The following SLFN12L variants were observed in gnomAD, a reference collection of about 807,000 sequenced individuals.
The protein encoded by SLFN12L is schlafen family member 12 like, also known as schlafen family member 12-like.
SLFN12L carries 34 observed loss-of-function variants against 34.8 expected under a neutral mutation model. That is an observed-to-expected ratio of 0.98 (90% CI 0.74 to 1.30). SLFN12L has a LOEUF of 1.30. Among genes scored for constraint, SLFN12L ranks in the 50% most tolerant of loss-of-function variants. SLFN12L has a pLI of 0.00. For synonymous variants in SLFN12L, 259 were observed against 247.5 expected (o/e 1.05, Z -0.44); for missense variants, 703 against 696.2 (o/e 1.01, Z -0.11).
At chr17:35,499,827 G>A (rs1356739877) in intron 2 of SLFN12L, 1 of 184,052 alleles carries the variant, frequency 5.4e-6, no homozygotes, top group African/African-American at 2.4e-5. Flanking sequence ...TAACCATTTA[G>A]TCATTGAAAA....
Position 35,465,654 on chromosome 17 carries a change from G to C in SLFN12L, c.*9269C>G, listed in dbSNP as rs866917281. Reference sequence around the variant, plus strand: ...TGCTGCTTGTCCGTTTAACAGCCCAGTGTTGCCTGTTCTTAAACCTGGAAA... The same window carrying C: ...TGCTGCTTGTCCGTTTAACAGCCCACTGTTGCCTGTTCTTAAACCTGGAAA... On this transcript the variant is annotated 3_prime_UTR_variant, in exon 5 of 5. Coordinates refer to ENST00000628453, the MANE Select transcript of SLFN12L (RefSeq NM_001363830.2). Among the ~76,000 whole-genome samples, 2 of 151,224 alleles carry C rather than the reference G, an allele frequency of 1.3e-5. No individual in the cohort carries two copies. Among genetic ancestry groups the C allele is most frequent in the Admixed American group, 6.6e-5 (1 of 15,122 alleles).
In SLFN12L at chr17:35,524,505, G is replaced by A. The variant is rs375722654; in HGVS notation, c.-605-1536C>T. Among the ~76,000 whole-genome samples the A allele has an allele frequency of 9.6e-4, 147 of 152,352 alleles. 1 individual carries two copies. In the South Asian group the frequency reaches 0.03, roughly 31 times the overall value. On this transcript the variant is annotated intron_variant, in intron 1 of 4. Coordinates refer to ENST00000628453, the MANE Select transcript of SLFN12L (RefSeq NM_001363830.2). ...CTGGCATCTGGTGGGTGCCCCTCTG[G>A]CACGAAGCTTCCAAAGGAAAGAACA...
intron 2 of SLFN12L, among the ~76,000 whole-genome samples, chr17:35,492,189 C>A (rs1262776432): frequency 6.6e-6 from 1 of 152,182 alleles, no homozygotes; most frequent in Non-Finnish European, 1.5e-5. Flanking sequence ...AGCATCTAAA[C>A]CTGTGTGATC....
Position 35,518,584 on chromosome 17 carries a change from C to A in SLFN12L, c.86+3695G>T, listed in dbSNP as rs1915906850. 4.9e-5 allele frequency among the ~76,000 whole-genome samples: 7 copies of A among 143,630 alleles called. No homozygotes were observed. In the South Asian group the frequency reaches 1.3e-3, roughly 27 times the overall value. 94.2% of individuals were successfully genotyped at this position (143,630 alleles called of 152,430 possible). The stretch of plus-strand genomic sequence containing the variant: ...AAAAAAAAGACATTTATGCACCGAA[C>A]AAACATGAAAAAAAGCTTACCATCA... On this transcript the variant is annotated intron_variant, in intron 2 of 4. Transcript: ENST00000628453.
chr17:35,481,479 G>A (rs1914335267), intron 2 of SLFN12L, among the ~76,000 whole-genome samples: 1 of 152,242 alleles, frequency 6.6e-6, no homozygotes, highest in Non-Finnish European at 1.5e-5. Context: ...TCTTTGAAAT[G>A]CGTAGAAGAA....
At position 35,530,502 on chromosome 17, in the gene SLFN12L, AAG is replaced by A. The variant is rs1225835544; in HGVS notation, c.-606+7069_-606+7070del. Among the ~76,000 whole-genome samples, 3 of 34,814 alleles carry A rather than the reference AAG, an allele frequency of 8.6e-5. 1 individual carries two copies. Among genetic ancestry groups the A allele is most frequent in the East Asian group, 1.4e-3 (2 of 1,412 alleles). The allele number at this position is 34,814 out of a possible 152,430, so 22.8% of individuals were successfully genotyped here. The stretch of plus-strand genomic sequence containing the variant: ...AAAGAAAGAAAGAAAGAAAGAAAGA[AAG>A]AAAGAAAGAAAAGAAAAGAAAAGAA... On this transcript the variant is annotated intron_variant, in intron 1 of 4. Transcript: ENST00000628453.
At chr17:35,506,806 G>A (rs1299335978) in intron 2 of SLFN12L, among the ~76,000 whole-genome samples, 2 of 152,046 alleles carry the variant, frequency 1.3e-5, no homozygotes, top group African/African-American at 4.8e-5. Context: ...TAAATTCCCA[G>A]CTCAAAAGAC....
chr17:35,482,346 G>A (rs978664385), intron 2 of SLFN12L, among the ~76,000 whole-genome samples: 1 of 152,228 alleles, frequency 6.6e-6, no homozygotes, highest in Non-Finnish European at 1.5e-5. Context: ...CAGAAAGCTA[G>A]GGATGGCAGC....
intron 2 of SLFN12L, among the ~76,000 whole-genome samples, chr17:35,506,053 G>C (rs1192652166): frequency 6.6e-6 from 1 of 152,156 alleles, no homozygotes; most frequent in African/African-American, 2.4e-5. Context: ...CCCAGGAAAT[G>C]ACCAACCTGA....
At chr17:35,509,640 G>A (rs534436288) in intron 2 of SLFN12L, among the ~76,000 whole-genome samples, 16 of 151,822 alleles carry the variant, frequency 1.1e-4, no homozygotes, top group African/African-American at 2.7e-4. Context: ...CTTGTAGAAC[G>A]CATAATTAAA....
intron 1 of SLFN12L, among the ~76,000 whole-genome samples, chr17:35,530,444 GAAAGAAAGAAAGAAAGAAAGAAA>G (rs1567694219): frequency 6.2e-5 from 1 of 16,246 alleles, no homozygotes; most frequent in African/African-American, 1.7e-4. Context: ...GGGAAGGGAA[GAAAGAAAGAAAGAAAGAAAGAAA>G]GAAAGAAAGA....
rs1306041099 is a variant in SLFN12L, at chr17:35,522,318, A to G, written c.47T>C (p.Leu16Pro). Residue 16 changes from leucine (L) to proline (P), a missense_variant, in exon 2 of 5, where the codon CTC becomes CCC. Physicochemically the swap from Leu to Pro is moderately conservative, Grantham distance 98. Coordinates refer to ENST00000628453, the MANE Select transcript of SLFN12L (RefSeq NM_001363830.2). ...NVFHCEAHRI[L>P]YICESQFLRN... ...CAGAAACTGACTTTCACAAATGTAG[A>G]GAATTCTGTGTGCCTCACAGTGAAA... 1 of 1,614,106 alleles carries G rather than the reference A, an allele frequency of 6.2e-7. No individual in the cohort carries two copies. Among genetic ancestry groups the G allele is most frequent in the African/African-American group, 1.3e-5 (1 of 74,934 alleles).
intron 2 of SLFN12L, chr17:35,498,997 T>C (rs1915197176): frequency 5.6e-6 from 4 of 707,988 alleles, no homozygotes; most frequent in South Asian, 1.3e-5. Flanking sequence ...ACCGTCTGCT[T>C]CTATAACACC....
At position 35,466,101 on chromosome 17, in the gene SLFN12L, TC is replaced by T. The variant is rs35136702; in HGVS notation, c.*8821del. On this transcript the variant is annotated 3_prime_UTR_variant, in exon 5 of 5. Transcript: ENST00000628453. ...CATAGCCTCCCCCATTAGCAACATC[TC>T]CCATTAGTGTGGTACATTTGTTACA... Among the ~76,000 whole-genome samples the T allele has an allele frequency of 1.3e-5, 2 of 152,234 alleles. No homozygotes were observed. Among genetic ancestry groups the T allele is most frequent in the African/African-American group, 4.8e-5 (2 of 41,528 alleles).
At chr17:35,513,026 G>T (rs1377829968) in intron 2 of SLFN12L, among the ~76,000 whole-genome samples, 5 of 151,902 alleles carry the variant, frequency 3.3e-5, no homozygotes, top group Non-Finnish European at 7.4e-5. Flanking sequence ...CTATATCTGG[G>T]CTAGTGCAAA....
At chr17:35,535,190 CTTTT>C (rs35271725) in intron 1 of SLFN12L, among the ~76,000 whole-genome samples, 1 of 131,272 alleles carries the variant, frequency 7.6e-6, no homozygotes, top group Non-Finnish European at 1.6e-5. Flanking sequence ...TCTCTTTCTC[CTTTT>C]TTTTTTTTTT....
At position 35,489,566 on chromosome 17, in the gene SLFN12L, C is replaced by CAT. The variant is rs1049431569; in HGVS notation, c.87-9373_87-9372dup. Among the ~76,000 whole-genome samples the CAT allele has an allele frequency of 4.7e-3, 707 of 151,820 alleles. 6 individuals are homozygous for CAT. Among genetic ancestry groups the CAT allele is most frequent in the African/African-American group, 0.016 (675 of 41,368 alleles). ...GAAACCCTGTCCGTATATATATGTA[C>CAT]ATATATATATGTAAAATGAATGCAG... On this transcript the variant is annotated intron_variant, in intron 2 of 4. Coordinates refer to ENST00000628453, the MANE Select transcript of SLFN12L (RefSeq NM_001363830.2).
intron 2 of SLFN12L, chr17:35,509,948 C>T (rs1383004266): frequency 6.6e-6 from 1 of 152,270 alleles, no homozygotes; most frequent in African/African-American, 2.4e-5. Context: ...CCTCCTGTCT[C>T]AGCCTCACAA....
chr17:35,484,697 G>C (rs1349462781), intron 2 of SLFN12L, among the ~76,000 whole-genome samples: 1 of 152,190 alleles, frequency 6.6e-6, no homozygotes, highest in African/African-American at 2.4e-5. Flanking sequence ...CAAGTGCATT[G>C]CTCTCACTAT....
Sources: gnomAD v4.1 joint callset for allele counts (sites outside exome capture counted in the v4.1 genomes callset) on GRCh38, gnomAD v4.1.1 for gene constraint, MANE v1.5 for transcripts, NCBI Gene and HGNC (gene_info 2026-07-23, HGNC 2026-07-21) for gene names.